SPTB: variants seen among roughly 807,000 people sequenced by gnomAD.
SPTB encodes the protein spectrin beta chain, erythrocytic.
In SPTB, 45 loss-of-function variants were observed where a neutral mutation model predicts 256.2. That is an observed-to-expected ratio of 0.18 (90% confidence interval 0.14 to 0.23). The LOEUF is 0.23. SPTB is among the 10% of genes least tolerant of loss of function. The pLI is 1.00. For missense variants in SPTB, 2,715 were observed against 3,040.4 expected, an observed-to-expected ratio of 0.89 and a Z score of 2.52; for synonymous variants, 1,231 against 1,243.1, an observed-to-expected ratio of 0.99 and a Z score of 0.21.
intron 1 of SPTB, among the ~76,000 whole-genome samples, chr14:64,859,067 T>C (rs2083917471): frequency 6.6e-6 from 1 of 152,040 alleles, no homozygotes; most frequent in African/African-American, 2.4e-5. Context: ...AAAACCAGCC[T>C]GGTCAACATG....
In SPTB at chr14:64,807,927, C is replaced by T. The variant is rs1021616276; in HGVS notation, c.149-2837G>A. Reference sequence around the variant, plus strand: ...CCAGGCCTTATTTCCAGAGCCCTAACCCTGCCAGTGCAGGAAGGGGGTGAG... The same window carrying T: ...CCAGGCCTTATTTCCAGAGCCCTAATCCTGCCAGTGCAGGAAGGGGGTGAG... On this transcript the variant is annotated intron_variant, in intron 2 of 35. Coordinates refer to ENST00000644917, the MANE Select transcript of SPTB (RefSeq NM_001355436.2). This position sits in a 1 kb window ranked among gnomAD's most constrained non-coding sequence, Gnocchi z 4.7. Among the ~76,000 whole-genome samples, 1 of 152,276 alleles carries T rather than the reference C, an allele frequency of 6.6e-6. No individual in the cohort carries two copies. Among genetic ancestry groups the T allele is most frequent in the African/African-American group, 2.4e-5 (1 of 41,482 alleles).
intron 28 of SPTB, 23 bp downstream of exon 28, chr14:64,769,567 C>A: frequency 1.9e-6 from 3 of 1,613,342 alleles, no homozygotes; most frequent in Middle Eastern, 1.7e-4. Context: ...AGGAGCTCGC[C>A]TCCATCCTTG....
rs2082132449 is a variant in SPTB, at chr14:64,764,114, C to A, written c.6345+2612G>T. Reference sequence around the variant, plus strand: ...CACAGAGGACCAGCAGGAGAGCCACCATCCCCCAGGACTATCCCCAAGGGG... The same window carrying A: ...CACAGAGGACCAGCAGGAGAGCCACAATCCCCCAGGACTATCCCCAAGGGG... On this transcript the variant is annotated intron_variant, in intron 32 of 35. Coordinates refer to ENST00000644917, the MANE Select transcript of SPTB (RefSeq NM_001355436.2). The surrounding 1 kb of genome is among the most constrained non-coding windows in gnomAD (Gnocchi z 4.2). Among the ~76,000 whole-genome samples, 1 of 152,234 alleles carries A rather than the reference C, an allele frequency of 6.6e-6. No homozygotes were observed. Among genetic ancestry groups the A allele is most frequent in the African/African-American group, 2.4e-5 (1 of 41,466 alleles).
At chr14:64,804,402 G>A (rs1464282330) in intron 3 of SPTB, among the ~76,000 whole-genome samples, 1 of 152,226 alleles carries the variant, frequency 6.6e-6, no homozygotes, top group Non-Finnish European at 1.5e-5. Flanking sequence ...ACACATGGGG[G>A]AAATGGAGGA....
rs938068832 is a variant in SPTB, at chr14:64,822,305, G to A, written c.148+642C>T. ...ATCAGATATCAGCCAACAGGGGGAGGAGAAGTCATTTCTACTAGAGATTTA... is the reference window on the plus strand; with the variant it reads ...ATCAGATATCAGCCAACAGGGGGAGAAGAAGTCATTTCTACTAGAGATTTA... On this transcript the variant is annotated intron_variant, in intron 2 of 35. Coordinates refer to ENST00000644917, the MANE Select transcript of SPTB (RefSeq NM_001355436.2). Among the ~76,000 whole-genome samples, 6 of 92,780 alleles carry A rather than the reference G, an allele frequency of 6.5e-5. No individual in the cohort carries two copies. In the East Asian group the frequency reaches 1.7e-3, roughly 26 times the overall value. The allele number at this position is 92,780 out of a possible 152,430, so 60.9% of individuals were successfully genotyped here.
In SPTB at chr14:64,824,023, A is replaced by G. The variant is rs971122435; in HGVS notation, c.-51-878T>C. On this transcript the variant is annotated intron_variant, in intron 1 of 35. Coordinates refer to ENST00000644917, the MANE Select transcript of SPTB (RefSeq NM_001355436.2). This position sits in a 1 kb window ranked among gnomAD's most constrained non-coding sequence, Gnocchi z 5.7. ...TCACTCATTCATTCATTTACAGTTA[A>G]TTCAAATATGTACCAAGCTCCAACT... Among the ~76,000 whole-genome samples the G allele has an allele frequency of 3.3e-4, 51 of 152,294 alleles. No homozygotes were observed. Among genetic ancestry groups the G allele is most frequent in the African/African-American group, 1.2e-3 (48 of 41,558 alleles).
chr14:64,753,438 C>G (rs2081978586), intron 33 of SPTB, 99 bp downstream of exon 33: 1 of 1,585,510 alleles, frequency 6.3e-7, no homozygotes. Flanking sequence ...GAAGGCACCC[C>G]TCCCCCAGCA....
In SPTB at chr14:64,841,746, T is replaced by A. The variant is rs1019842757; in HGVS notation, c.-51-18601A>T. ...CAGCTGCCCTCTGACATCCCATATATATATATATATTTTTTAAGGGTCTTT... is the reference window on the plus strand; with the variant it reads ...CAGCTGCCCTCTGACATCCCATATAAATATATATATTTTTTAAGGGTCTTT... On this transcript the variant is annotated intron_variant, in intron 1 of 35. Coordinates refer to ENST00000644917, the MANE Select transcript of SPTB (RefSeq NM_001355436.2). This position sits in a 1 kb window ranked among gnomAD's most constrained non-coding sequence, Gnocchi z 4.6. Among the ~76,000 whole-genome samples the A allele has an allele frequency of 6.6e-6, 1 of 151,744 alleles. No homozygotes were observed.
chr14:64,754,130 G>C (rs565401723), intron 32 of SPTB: 7 of 432,934 alleles, frequency 1.6e-5, no homozygotes, highest in East Asian at 4.8e-5. Flanking sequence ...GGGTGTGAGG[G>C]GGGGCAGGTT....
intron 10 of SPTB, among the ~76,000 whole-genome samples, chr14:64,797,212 C>T (rs1490353009): frequency 2.6e-5 from 4 of 152,156 alleles, no homozygotes; most frequent in East Asian, 1.9e-4. Flanking sequence ...ATGGCTCACA[C>T]GTGTAATCTC....
rs573273339 is a variant in SPTB at position 64,780,411 on chromosome 14, T to A, written c.4267-480A>T. 3.9e-3 allele frequency among the ~76,000 whole-genome samples: 592 copies of A among 152,120 alleles called. 2 individuals carry two copies. The highest frequency in any genetic ancestry group is 6.8e-3 in the Non-Finnish European group (459 of 67,974). ...GACATTCTTCAAAGAACTAGAAAAA[T>A]TATTATTATTATTATTTTTGAGATG... On this transcript the variant is annotated intron_variant, in intron 20 of 35. Coordinates refer to ENST00000644917, the MANE Select transcript of SPTB (RefSeq NM_001355436.2).
At chr14:64,832,276 T>C (rs902015199) in intron 1 of SPTB, among the ~76,000 whole-genome samples, 8 of 152,234 alleles carry the variant, frequency 5.3e-5, no homozygotes, top group Non-Finnish European at 4.4e-5. Context: ...AAGCAGGAGA[T>C]GCTTTTCAGG....
chr14:64,871,323 TAGTTTA>T, intron 1 of SPTB, among the ~76,000 whole-genome samples: 1 of 152,126 alleles, frequency 6.6e-6, no homozygotes, highest in Non-Finnish European at 1.5e-5. Context: ...TGGACAAACT[TAGTTTA>T]AGTAGAGGGT....
At chr14:64,840,860 C>A (rs2083595256) in intron 1 of SPTB, among the ~76,000 whole-genome samples, 1 of 152,182 alleles carries the variant, frequency 6.6e-6, no homozygotes, top group Admixed American at 6.5e-5. Context: ...GCTGCTATTG[C>A]CATACAAGAC....
chr14:64,768,894 A>G, intron 29 of SPTB, 140 bp downstream of exon 29: 1 of 779,194 alleles, frequency 1.3e-6, no homozygotes, highest in East Asian at 2.5e-5. Context: ...CCCTGGCCCC[A>G]GAGCTTTGCT....
At chr14:64,860,415 A>G (rs2083948966) in intron 1 of SPTB, among the ~76,000 whole-genome samples, 1 of 152,172 alleles carries the variant, frequency 6.6e-6, no homozygotes, top group Non-Finnish European at 1.5e-5. Context: ...AGTTGTCCAC[A>G]TTTCCAAGAG....
In SPTB at chr14:64,786,264, C is replaced by A. The variant is rs181973822; in HGVS notation, c.3561+140G>T. The stretch of plus-strand genomic sequence containing the variant: ...GCTGGAAAAGGCCCCTAATGAGAAA[C>A]AAAGATTTCCCCCATGAGTGAATAC... On this transcript the variant is annotated intron_variant, in intron 16 of 35. Coordinates refer to ENST00000644917, the MANE Select transcript of SPTB (RefSeq NM_001355436.2). This position sits in a 1 kb window ranked among gnomAD's most constrained non-coding sequence, Gnocchi z 5.6. 6.3e-5 allele frequency: 81 copies of A among 1,282,910 alleles called. No individual in the cohort carries two copies. Among genetic ancestry groups the A allele is most frequent in the Non-Finnish European group, 8.8e-5 (79 of 893,484 alleles). 79.5% of individuals were successfully genotyped at this position (1,282,910 alleles called of 1,614,324 possible). A position where few individuals can be genotyped will look rare whatever the true frequency, so the allele number is the denominator to read the frequency against.
chr14:64,787,832 CG>C (rs1472169656), intron 15 of SPTB, among the ~76,000 whole-genome samples: 2 of 152,350 alleles, frequency 1.3e-5, no homozygotes, highest in East Asian at 3.9e-4. Flanking sequence ...CTGCAGTACA[CG>C]ATAAGCCTCT....
chr14:64,860,499 A>G (rs2083949948), intron 1 of SPTB, among the ~76,000 whole-genome samples: 1 of 151,804 alleles, frequency 6.6e-6, no homozygotes, highest in Admixed American at 6.6e-5. Context: ...TGTGGAAGCC[A>G]GGTCTGTGTT....
Sources: allele counts gnomAD v4.1 joint callset (sites outside exome capture counted in the v4.1 genomes callset), GRCh38; gene constraint gnomAD v4.1.1; non-coding constraint Gnocchi (gnomAD v3.1); transcripts MANE v1.5; gene names NCBI Gene and HGNC (gene_info 2026-07-23, HGNC 2026-07-21).